The following PTGFRN variants were observed in gnomAD, a reference collection of about 807,000 sequenced individuals.
PTGFRN encodes prostaglandin F2 receptor negative regulator.
In PTGFRN, 35 loss-of-function variants were observed where a neutral mutation model predicts 83.2. The ratio of observed to expected loss-of-function variants is 0.42; its 90% CI spans 0.32 to 0.56. The LOEUF is 0.56. Among genes scored for constraint, PTGFRN ranks in the 20% least tolerant of loss-of-function variants. The pLI, the probability that PTGFRN is intolerant of heterozygous loss-of-function variation, is 0.11. For synonymous variants in PTGFRN, 519 were observed against 498.6 expected, an observed-to-expected ratio of 1.04 and a Z score of -0.55; for missense variants, 1,051 against 1,179.5, an observed-to-expected ratio of 0.89 and a Z score of 1.60.
Position 116,961,049 on chromosome 1 carries a change from G to A in PTGFRN, c.1214-194G>A, listed in dbSNP as rs930957419. 2.0e-5 allele frequency among the ~76,000 whole-genome samples: 3 copies of A among 152,074 alleles called. No individual in the cohort carries two copies. Among genetic ancestry groups the A allele is most frequent in the Admixed American group, 6.5e-5 (1 of 15,274 alleles). On this transcript the variant is annotated intron_variant, in intron 4 of 8. Transcript: ENST00000393203. This position sits in a 1 kb window ranked among gnomAD's most constrained non-coding sequence, Gnocchi z 5.4. Reference sequence around the variant, plus strand: ...TCTTGGGGTGGGAGGTATGAGAAGCGGTGTTTTACAAGTTTTGCAAAAACA... The same window carrying A: ...TCTTGGGGTGGGAGGTATGAGAAGCAGTGTTTTACAAGTTTTGCAAAAACA...
chr1:116,979,452 G>A (rs866172145), intron 7 of PTGFRN, among the ~76,000 whole-genome samples: 6 of 152,150 alleles, frequency 3.9e-5, no homozygotes, highest in African/African-American at 1.4e-4. Context: ...GAGGTATCAC[G>A]CTGCCTGACT....
intron 7 of PTGFRN, among the ~76,000 whole-genome samples, chr1:116,977,911 C>CA (rs1171594666): frequency 2.6e-5 from 4 of 151,840 alleles, no homozygotes; most frequent in African/African-American, 7.3e-5. Context: ...AAAAACCCTT[C>CA]AAAAAAATCA....
Position 116,986,940 on chromosome 1 carries a change from C to G in PTGFRN, c.2613C>G (p.Arg871=), listed in dbSNP as rs1447314683. ...TTCAGGAGACACGGCGCGAGCGCCGCAGGCTCATGTCGATGGAGATGGACT... is the reference window on the plus strand; with the variant it reads ...TTCAGGAGACACGGCGCGAGCGCCGGAGGCTCATGTCGATGGAGATGGACT... ...KEVQETRRER[R]RLMSMEMD Residue 871 remains arginine (R), a synonymous_variant, in exon 9 of 9, where the codon CGC becomes CGG. Transcript: ENST00000393203. The G allele has an allele frequency of 6.2e-7, 1 of 1,614,242 alleles. No individual in the cohort carries two copies. Among genetic ancestry groups the G allele is most frequent in the South Asian group, 1.1e-5 (1 of 91,084 alleles).
At position 116,912,071 on chromosome 1, in the gene PTGFRN, T is replaced by C. The variant is rs1391579442; in HGVS notation, c.49+1819T>C. On this transcript the variant is annotated intron_variant, in intron 1 of 8. Transcript: ENST00000393203. Reference sequence around the variant, plus strand: ...TTATGAGGGTGGGATGAGGTAGAACTTTGAAAACAATGCCCTTGAGTAATA... The same window carrying C: ...TTATGAGGGTGGGATGAGGTAGAACCTTGAAAACAATGCCCTTGAGTAATA... 3.9e-5 allele frequency among the ~76,000 whole-genome samples: 6 copies of C among 152,212 alleles called. No homozygotes were observed. In the East Asian group the frequency reaches 1.2e-3, roughly 29 times the overall value.
rs537656564 is a variant in PTGFRN at position 116,972,000 on chromosome 1, C to T, written c.2060-2216C>T. ...TTTCTAATCTGAGAAAAATGTGACC[C>T]CCCTGCCCGCCCTTGCTCACCATGG... is the stretch of plus-strand genomic sequence containing the variant. On this transcript the variant is annotated intron_variant, in intron 6 of 8. Transcript: ENST00000393203. 1.3e-4 allele frequency among the ~76,000 whole-genome samples: 20 copies of T among 152,192 alleles called. No individual in the cohort carries two copies. The South Asian group carries it at 4.1e-3, about 32-fold the overall frequency.
intron 3 of PTGFRN, among the ~76,000 whole-genome samples, chr1:116,948,906 T>C (rs1250559855): frequency 1.3e-5 from 2 of 152,160 alleles, no homozygotes; most frequent in African/African-American, 2.4e-5. Flanking sequence ...CCTCTTAGGG[T>C]TGTTTTGAGG....
rs567724546 is a variant in PTGFRN at position 116,970,976 on chromosome 1, C to T, written c.2060-3240C>T. ...TTAAATATGATAGTGTAGGCTTTGG[C>T]CTTTTAAAAGAAGAATAATAAATTT... On this transcript the variant is annotated intron_variant, in intron 6 of 8. Coordinates refer to ENST00000393203, the MANE Select transcript of PTGFRN (RefSeq NM_020440.4). 8.9e-4 allele frequency among the ~76,000 whole-genome samples: 135 copies of T among 152,050 alleles called. 1 individual carries two copies. Among genetic ancestry groups the T allele is most frequent in the African/African-American group, 3.1e-3 (128 of 41,452 alleles).
rs754379304 is a variant in PTGFRN at position 116,944,869 on chromosome 1, C to T, written c.609C>T (p.Gly203=). The T allele has an allele frequency of 8.7e-6, 14 of 1,606,290 alleles. No individual in the cohort carries two copies. In the African/African-American group the frequency reaches 1.5e-4, roughly 17 times the overall value. ...RRSVLALTHE[G]RFHPGLGYEQ... The stretch of plus-strand genomic sequence containing the variant: ...GCGTCCTCGCCCTGACCCACGAGGG[C>T]AGGTTCCACCCGGGCCTGGGGTACG... Residue 203 remains glycine (G), a synonymous_variant, in exon 3 of 9, where the codon GGC becomes GGT. Transcript: ENST00000393203.
Position 116,961,529 on chromosome 1 carries a change from C to G in PTGFRN, c.1500C>G (p.Phe500Leu), listed in dbSNP as rs1416580152. ...FSKEHTDTFN[F>L]RIQRTTEEDR... ...AGGAACATACAGACACGTTCAATTT[C>G]CGGATCCAAAGGACTACAGAGGAAG... The change falls in exon 5 of 9, where the codon TTC (phenylalanine) becomes TTG (leucine). Residue 500 changes from phenylalanine (F) to leucine (L), a missense_variant. Physicochemically the swap from Phe to Leu is conservative, Grantham distance 22. Coordinates refer to ENST00000393203, the MANE Select transcript of PTGFRN (RefSeq NM_020440.4). This position sits in a 1 kb window ranked among gnomAD's most constrained non-coding sequence, Gnocchi z 5.4. 1.9e-6 allele frequency: 3 copies of G among 1,614,112 alleles called. No homozygotes were observed. The highest frequency in any genetic ancestry group is 2.5e-6 in the Non-Finnish European group (3 of 1,180,032).
At chr1:116,964,392 C>T (rs1036120590) in intron 5 of PTGFRN, among the ~76,000 whole-genome samples, 2 of 152,146 alleles carry the variant, frequency 1.3e-5, no homozygotes, top group African/African-American at 2.4e-5. Flanking sequence ...TTTCCCTTGG[C>T]TTGTGGGACA....
intron 8 of PTGFRN, among the ~76,000 whole-genome samples, chr1:116,986,211 G>T (rs1557752523): frequency 6.6e-6 from 1 of 152,234 alleles, no homozygotes; most frequent in Non-Finnish European, 1.5e-5. Context: ...GGAAAGGAAG[G>T]TGGGATTTCA....
chr1:116,951,448 C>T lies in PTGFRN; in HGVS notation c.1213+1876C>T, dbSNP rs151004068. On this transcript the variant is annotated intron_variant, in intron 4 of 8. Transcript: ENST00000393203. ...GATGCTAACAGATACAGAACCTGCA[C>T]CTTCCCTGCTGCTTTGCATGTAATA... Among the ~76,000 whole-genome samples the T allele has an allele frequency of 6.6e-3, 1,009 of 152,322 alleles. 11 individuals are homozygous for T. Among genetic ancestry groups the T allele is most frequent in the Non-Finnish European group, 0.011 (731 of 68,022 alleles).
In PTGFRN at chr1:116,911,452, A is replaced by G. The variant is rs1007889664; in HGVS notation, c.49+1200A>G. On this transcript the variant is annotated intron_variant, in intron 1 of 8. Transcript: ENST00000393203. Reference sequence around the variant, plus strand: ...CGGGGCCCACACTGCTGTAACCCCCATGACTCCTGCTGCTGATGAACCAGC... The same window carrying G: ...CGGGGCCCACACTGCTGTAACCCCCGTGACTCCTGCTGCTGATGAACCAGC... Among the ~76,000 whole-genome samples, 9 of 152,284 alleles carry G rather than the reference A, an allele frequency of 5.9e-5. No homozygotes were observed. In the South Asian group the frequency reaches 1.9e-3, roughly 32 times the overall value.
Position 116,941,608 on chromosome 1 carries a change from C to CA in PTGFRN, c.50-106dup, listed in dbSNP as rs1334594445. ...ACATTTTCCCTAGTAGTTTGGCTGT[C>CA]ACGTTTCTGCCATGCCTGTGAGCAG... On this transcript the variant is annotated intron_variant, in intron 1 of 8. Coordinates refer to ENST00000393203, the MANE Select transcript of PTGFRN (RefSeq NM_020440.4). This position sits in a 1 kb window ranked among gnomAD's most constrained non-coding sequence, Gnocchi z 5.0. The CA allele has an allele frequency of 5.6e-6, 8 of 1,428,460 alleles. No homozygotes were observed. In the African/African-American group the frequency reaches 1.0e-4, roughly 18 times the overall value. The allele number at this position is 1,428,460 out of a possible 1,614,324, so 88.5% of individuals were successfully genotyped here.
chr1:116,963,951 T>A (rs1650752087), intron 5 of PTGFRN, among the ~76,000 whole-genome samples: 1 of 150,670 alleles, frequency 6.6e-6, no homozygotes, highest in Non-Finnish European at 1.5e-5. Context: ...TGCCTGGCTA[T>A]TTTTTTTTGG....
intron 1 of PTGFRN, among the ~76,000 whole-genome samples, chr1:116,921,138 A>G (rs1213422493): frequency 6.6e-6 from 1 of 152,228 alleles, no homozygotes; most frequent in Non-Finnish European, 1.5e-5. Context: ...TCCTTACTGC[A>G]TCTTGGCTGC....
At chr1:116,925,720 T>C (rs192548901) in intron 1 of PTGFRN, among the ~76,000 whole-genome samples, 8 of 152,314 alleles carry the variant, frequency 5.3e-5, no homozygotes, top group Middle Eastern at 3.4e-3. Flanking sequence ...CCTCATCTTA[T>C]TGGGGACTCA....
intron 7 of PTGFRN, among the ~76,000 whole-genome samples, chr1:116,982,497 AGGGGTG>A (rs1557751179): frequency 6.6e-6 from 1 of 152,064 alleles, no homozygotes. Flanking sequence ...TGTGCTGAGC[AGGGGTG>A]GGGACAGCAG....
intron 3 of PTGFRN, among the ~76,000 whole-genome samples, chr1:116,948,974 A>G (rs1413497367): frequency 6.6e-6 from 1 of 152,226 alleles, no homozygotes; most frequent in Non-Finnish European, 1.5e-5. Flanking sequence ...ATATATGTAA[A>G]TGTTTGCGGC....
Sources: allele counts gnomAD v4.1 joint callset (sites outside exome capture counted in the v4.1 genomes callset), GRCh38; gene constraint gnomAD v4.1.1; non-coding constraint Gnocchi (gnomAD v3.1); transcripts MANE v1.5; gene names NCBI Gene and HGNC (gene_info 2026-07-23, HGNC 2026-07-21).